The following PLEKHA7 variants were observed in gnomAD, a reference collection of about 807,000 sequenced individuals.
PLEKHA7 encodes the protein pleckstrin homology domain containing A7.
In PLEKHA7, 104 loss-of-function variants were observed where a neutral mutation model predicts 170.0. The observed-to-expected ratio is 0.61, with a 90% confidence interval of 0.52 to 0.72. PLEKHA7 has a LOEUF of 0.72. Among genes scored for constraint, PLEKHA7 ranks in the 30% least tolerant of loss-of-function variants. The pLI is 0.00. For synonymous variants in PLEKHA7, 648 were observed against 660.8 expected (o/e 0.98, Z 0.30); for missense variants, 1,615 against 1,671.7 (o/e 0.97, Z 0.59).
In PLEKHA7 at chr11:16,817,446, A is replaced by G. The variant is rs1259757320; in HGVS notation, c.1344-124T>C. ...ACAGTCCTGTAAGAACCTCAAAAGA[A>G]TGATCAAGGCCGACATCCAGGACTT... On this transcript the variant is annotated intron_variant, in intron 10 of 26. Coordinates refer to ENST00000531066, the MANE Select transcript of PLEKHA7 (RefSeq NM_001329630.2). This position sits in a 1 kb window ranked among gnomAD's most constrained non-coding sequence, Gnocchi z 4.4. 2.1e-6 allele frequency: 2 copies of G among 974,976 alleles called. No individual in the cohort carries two copies. Among genetic ancestry groups the G allele is most frequent in the East Asian group, 2.6e-5 (1 of 38,130 alleles). The allele number at this position is 974,976 out of a possible 1,614,324, so 60.4% of individuals were successfully genotyped here. A position where few individuals can be genotyped will look rare whatever the true frequency, so the allele number is the denominator to read the frequency against.
chr11:16,969,753 G>A (rs1343909755), intron 3 of PLEKHA7, among the ~76,000 whole-genome samples: 1 of 152,204 alleles, frequency 6.6e-6, no homozygotes, highest in East Asian at 1.9e-4. Context: ...GGAGAAGGCA[G>A]GGCCCCCAAA....
At chr11:16,913,505 C>A (rs1280188042) in intron 3 of PLEKHA7, among the ~76,000 whole-genome samples, 1 of 152,192 alleles carries the variant, frequency 6.6e-6, no homozygotes. Context: ...GCTGGCGTCG[C>A]AGTGGTCACG....
At chr11:16,845,063 C>T (rs1420837832) in intron 8 of PLEKHA7, among the ~76,000 whole-genome samples, 1 of 152,196 alleles carries the variant, frequency 6.6e-6, no homozygotes, top group Non-Finnish European at 1.5e-5. Context: ...AACAGGGGAG[C>T]CCAGCTTGAT....
intron 10 of PLEKHA7, among the ~76,000 whole-genome samples, chr11:16,822,501 GGAAAAAAA>G (rs1345378623): frequency 0.024 from 3,086 of 126,334 alleles, 122 homozygotes; most frequent in African/African-American, 0.095. Flanking sequence ...TTTTGGTAGG[GGAAAAAAA>G]AAAAAAAAAA....
chr11:16,806,830 T>C (rs920169463), intron 13 of PLEKHA7, among the ~76,000 whole-genome samples: 1 of 152,200 alleles, frequency 6.6e-6, no homozygotes, highest in African/African-American at 2.4e-5. Context: ...CTCAACTCTG[T>C]CTGGGTGAGC....
At chr11:16,878,020 A>G (rs1374510012) in intron 3 of PLEKHA7, among the ~76,000 whole-genome samples, 3 of 152,174 alleles carry the variant, frequency 2.0e-5, no homozygotes, top group Non-Finnish European at 4.4e-5. Flanking sequence ...GCAAGAATAG[A>G]ATGAGCCTCC....
intron 3 of PLEKHA7, among the ~76,000 whole-genome samples, chr11:16,964,069 T>G (rs1030634852): frequency 6.6e-6 from 1 of 152,244 alleles, no homozygotes; most frequent in Non-Finnish European, 1.5e-5. Context: ...ATCATAGAAT[T>G]TGTCCTTTGG....
At chr11:16,895,421 T>G (rs1279107949) in intron 3 of PLEKHA7, among the ~76,000 whole-genome samples, 1 of 152,212 alleles carries the variant, frequency 6.6e-6, no homozygotes, top group Non-Finnish European at 1.5e-5. Flanking sequence ...CACTTCCTCC[T>G]TTGGCAACAG....
At chr11:16,955,453 A>C (rs1590711818) in intron 3 of PLEKHA7, among the ~76,000 whole-genome samples, 1 of 152,188 alleles carries the variant, frequency 6.6e-6, no homozygotes. Context: ...ACTGGGCTTA[A>C]AGGACCATGA....
At chr11:16,917,741 G>A (rs1858797039) in intron 3 of PLEKHA7, among the ~76,000 whole-genome samples, 2 of 152,212 alleles carry the variant, frequency 1.3e-5, no homozygotes, top group Admixed American at 6.5e-5. Context: ...CACAGGTTCT[G>A]GGTATTAGCA....
chr11:16,899,025 T>G (rs1857162386), intron 3 of PLEKHA7, among the ~76,000 whole-genome samples: 1 of 152,230 alleles, frequency 6.6e-6, no homozygotes, highest in Non-Finnish European at 1.5e-5. Context: ...ATATTCAATG[T>G]GAAACCAATC....
At chr11:16,810,113 G>A (rs1245932273) in intron 13 of PLEKHA7, among the ~76,000 whole-genome samples, 2 of 152,230 alleles carry the variant, frequency 1.3e-5, no homozygotes, top group Admixed American at 1.3e-4. Context: ...GTGACAATGT[G>A]GCTGAGCCCC....
chr11:16,820,727 GT>G (rs1850146126), intron 10 of PLEKHA7, among the ~76,000 whole-genome samples: 1 of 152,180 alleles, frequency 6.6e-6, no homozygotes, highest in Non-Finnish European at 1.5e-5. Flanking sequence ...CCTGCCTACA[GT>G]GCCTGGAAGG....
At chr11:16,818,791 C>CT (rs11401977) in intron 10 of PLEKHA7, among the ~76,000 whole-genome samples, 121,798 of 148,648 alleles carry the variant, frequency 0.82, 49,966 homozygotes, top group South Asian at 0.86. Flanking sequence ...TATTTTCTTT[C>CT]TTTTTTTTTT....
intron 3 of PLEKHA7, among the ~76,000 whole-genome samples, chr11:16,979,641 G>A (rs190635338): frequency 3.6e-4 from 54 of 151,310 alleles, no homozygotes; most frequent in East Asian, 5.8e-4. Flanking sequence ...TACCATTTTT[G>A]TTGTTTTCAA....
At chr11:16,782,341 C>T (rs929255904) in intron 26 of PLEKHA7, among the ~76,000 whole-genome samples, 5 of 152,188 alleles carry the variant, frequency 3.3e-5, no homozygotes, top group African/African-American at 9.6e-5. Flanking sequence ...GGGCCCCCTT[C>T]TGCCTTGCCC....
chr11:16,933,977 G>T (rs1053834110), intron 3 of PLEKHA7, among the ~76,000 whole-genome samples: 11 of 152,214 alleles, frequency 7.2e-5, no homozygotes, highest in African/African-American at 2.7e-4. Context: ...TCAGCTTCCT[G>T]GGAGCCTATC....
At chr11:17,000,373 C>A (rs1490521052) in intron 3 of PLEKHA7, among the ~76,000 whole-genome samples, 1 of 152,196 alleles carries the variant, frequency 6.6e-6, no homozygotes, top group Non-Finnish European at 1.5e-5. Flanking sequence ...GGATTACAGG[C>A]ATGAGCCATG....
chr11:16,848,948 G>T (rs1188104284), intron 8 of PLEKHA7, among the ~76,000 whole-genome samples: 1 of 152,088 alleles, frequency 6.6e-6, no homozygotes, highest in African/African-American at 2.4e-5. Context: ...ACCCTGAGCT[G>T]CCCCCAGAGC....
Sources: gnomAD v4.1 joint callset for allele counts (sites outside exome capture counted in the v4.1 genomes callset) on GRCh38, gnomAD v4.1.1 for gene constraint, Gnocchi (gnomAD v3.1) non-coding constraint, MANE v1.5 for transcripts, NCBI Gene and HGNC (gene_info 2026-07-23, HGNC 2026-07-21) for gene names.